The following KIAA1217 variants were observed in gnomAD, a reference collection of about 807,000 sequenced individuals.
KIAA1217 encodes the protein KIAA1217.
Under a neutral mutation model 163.9 loss-of-function variants are expected in KIAA1217, and 88 were observed. That is an observed-to-expected ratio of 0.54 (90% confidence interval 0.45 to 0.64). KIAA1217 has a LOEUF of 0.64. Ranked by LOEUF, KIAA1217 falls within the 30% of genes least tolerant of loss-of-function variation. The pLI is 0.00. For missense variants in KIAA1217, 2,372 were observed against 2,475.0 expected (o/e 0.96, Z 0.88); for synonymous variants, 903 against 923.1 (o/e 0.98, Z 0.39).
At chr10:23,836,778 A>G (rs946957305) in intron 1 of KIAA1217, among the ~76,000 whole-genome samples, 4 of 151,900 alleles carry the variant, frequency 2.6e-5, no homozygotes, top group African/African-American at 9.7e-5. Context: ...ATAAAAAAAA[A>G]AATTAGCCGT....
intron 1 of KIAA1217, among the ~76,000 whole-genome samples, chr10:23,988,752 A>G (rs1266231194): frequency 6.6e-6 from 1 of 152,208 alleles, no homozygotes; most frequent in Non-Finnish European, 1.5e-5. Context: ...TTGATTTTCT[A>G]AGAAAACATG....
At chr10:23,708,239 T>C (rs1037476479) in intron 1 of KIAA1217, among the ~76,000 whole-genome samples, 2 of 152,182 alleles carry the variant, frequency 1.3e-5, no homozygotes, top group Non-Finnish European at 2.9e-5. Context: ...CGTGATTCCA[T>C]TATCTCCTAC....
At chr10:23,778,541 A>T (rs548422879) in intron 1 of KIAA1217, among the ~76,000 whole-genome samples, 2 of 152,260 alleles carry the variant, frequency 1.3e-5, no homozygotes, top group South Asian at 4.1e-4. Flanking sequence ...TGTTGTGGGG[A>T]ATCTGGAGGC....
At chr10:24,496,555 T>C (rs565256020) in intron 8 of KIAA1217, among the ~76,000 whole-genome samples, 3 of 152,232 alleles carry the variant, frequency 2.0e-5, no homozygotes, top group South Asian at 4.1e-4. Context: ...CTTTTTGCTT[T>C]ATAGAGAAGA....
At chr10:24,493,145 C>A (rs1404961906) in intron 6 of KIAA1217, among the ~76,000 whole-genome samples, 2 of 152,232 alleles carry the variant, frequency 1.3e-5, no homozygotes, top group African/African-American at 4.8e-5. Context: ...CGTGCCCGGC[C>A]AGACCATCAT....
rs61735619 is a variant in KIAA1217, at chr10:24,524,498, C to A, written c.2632C>A (p.Pro878Thr). ...TGGCGATGCGAAGTCGGAAGTGGTG[C>A]CTTTGTCCGGCATGATGGTTCGCCA... Reference protein sequence around the residue: ...APGDAKSEVVPLSGMMVRHAQ... With the variant: ...APGDAKSEVVTLSGMMVRHAQ... The change falls in exon 13 of 21, where the codon CCT becomes ACT. Residue 878 changes from proline (P) to threonine (T), a missense_variant. Physicochemically the swap from Pro to Thr is conservative, Grantham distance 38 (BLOSUM62 -1). Coordinates refer to ENST00000376454, the MANE Select transcript of KIAA1217 (RefSeq NM_019590.5). The A allele has an allele frequency of 3.3e-4, 526 of 1,614,174 alleles. 2 individuals carry two copies. In the East Asian group the frequency reaches 3.4e-3, roughly 10 times the overall value.
intron 1 of KIAA1217, among the ~76,000 whole-genome samples, chr10:23,708,202 C>T (rs535044008): frequency 2.0e-4 from 30 of 152,260 alleles, no homozygotes; most frequent in African/African-American, 4.1e-4. Context: ...TTCACTACCA[C>T]GAGAACAGTA....
At chr10:24,362,755 C>T (rs921305249) in intron 2 of KIAA1217, among the ~76,000 whole-genome samples, 4 of 152,168 alleles carry the variant, frequency 2.6e-5, no homozygotes, top group African/African-American at 9.7e-5. Context: ...AATCCCAGCA[C>T]TTTGAGAGGC....
rs11014069 is a variant in KIAA1217, at chr10:24,375,252, G to T, written c.355-5617G>T. ...ATAGAAGCCAGGTGTGCCCGATGGA[G>T]CTCCCTGTCTTCCTTCCCACCCTTA... On this transcript the variant is annotated intron_variant, in intron 2 of 20. Transcript: ENST00000376454. 9.3e-3 allele frequency among the ~76,000 whole-genome samples: 1,418 copies of T among 152,254 alleles called. 47 individuals carry two copies. The East Asian group carries it at 0.099, about 11-fold the overall frequency.
intron 1 of KIAA1217, among the ~76,000 whole-genome samples, chr10:23,742,650 C>A (rs1305130101): frequency 2.6e-5 from 4 of 152,164 alleles, no homozygotes; most frequent in Admixed American, 2.6e-4. Flanking sequence ...TCACTTATCA[C>A]CAAGGGGATG....
At chr10:24,023,816 A>T (rs558231342) in intron 2 of KIAA1217, among the ~76,000 whole-genome samples, 14 of 151,798 alleles carry the variant, frequency 9.2e-5, no homozygotes, top group Non-Finnish European at 1.8e-4. Flanking sequence ...GACAACATGG[A>T]TGAATCCTGC....
At chr10:23,864,038 G>A (rs1236559984) in intron 1 of KIAA1217, among the ~76,000 whole-genome samples, 1 of 151,770 alleles carries the variant, frequency 6.6e-6, no homozygotes, top group Admixed American at 6.6e-5. Flanking sequence ...TTCCATACAT[G>A]ATTATTGAGT....
chr10:24,077,631 G>T (rs898882785), intron 2 of KIAA1217, among the ~76,000 whole-genome samples: 1 of 152,312 alleles, frequency 6.6e-6, no homozygotes, highest in South Asian at 2.1e-4. Context: ...GAATAGTGCT[G>T]CAGTGAACAC....
chr10:23,748,251 C>T (rs1839518751), intron 1 of KIAA1217, among the ~76,000 whole-genome samples: 1 of 152,066 alleles, frequency 6.6e-6, no homozygotes, highest in East Asian at 1.9e-4. Context: ...CTTCATCCTC[C>T]TCTTTAGTAG....
At chr10:24,003,983 A>G (rs561024257) in intron 1 of KIAA1217, among the ~76,000 whole-genome samples, 1 of 151,716 alleles carries the variant, frequency 6.6e-6, no homozygotes, top group Non-Finnish European at 1.5e-5. Context: ...ATTTTATTTT[A>G]TTTATTTGCT....
chr10:24,379,735 T>C (rs1397581394), intron 2 of KIAA1217, among the ~76,000 whole-genome samples: 2 of 152,062 alleles, frequency 1.3e-5, no homozygotes, highest in Non-Finnish European at 2.9e-5. Flanking sequence ...GGCTAAAGAA[T>C]TGTCAGGGTA....
intron 2 of KIAA1217, among the ~76,000 whole-genome samples, chr10:24,080,858 T>TTTTTTTTTTTTTTTTTTTTGAG (rs1427889089): frequency 6.6e-6 from 1 of 151,746 alleles, no homozygotes; most frequent in African/African-American, 2.4e-5. Flanking sequence ...AACTTAATCT[T>TTTTTTTTTTTTTTTTTTTTGAG]AACGTTTGTC....
chr10:23,830,991 G>A (rs530266491), intron 1 of KIAA1217, among the ~76,000 whole-genome samples: 36 of 152,122 alleles, frequency 2.4e-4, no homozygotes, highest in African/African-American at 6.7e-4. Flanking sequence ...GAAAGGATTC[G>A]GGTGAGCAGG....
intron 2 of KIAA1217, among the ~76,000 whole-genome samples, chr10:24,120,552 C>G (rs2063242664): frequency 6.6e-6 from 1 of 152,162 alleles, no homozygotes; most frequent in Non-Finnish European, 1.5e-5. Context: ...CTATGGTGAT[C>G]TTGGCACGCC....
Sources: allele counts gnomAD v4.1 joint callset (sites outside exome capture counted in the v4.1 genomes callset), GRCh38; gene constraint gnomAD v4.1.1; transcripts MANE v1.5; gene names NCBI Gene and HGNC (gene_info 2026-07-23, HGNC 2026-07-21).